Variants in SLC12A9 observed in about 807,000 individuals in gnomAD.
The protein encoded by SLC12A9 is CCC-interacting protein 1.
In SLC12A9, 55 loss-of-function variants were observed where a neutral mutation model predicts 66.0. The ratio of observed to expected loss-of-function variants is 0.83; its 90% CI spans 0.67 to 1.04. The LOEUF is 1.04. SLC12A9 is among the 50% of genes least tolerant of loss of function. The probability of loss-of-function intolerance (pLI) is 0.00; values close to 1 mark genes in which losing one functional copy is unlikely to be tolerated. For synonymous variants in SLC12A9, 577 were observed against 569.0 expected (o/e 1.01, Z -0.20); for missense variants, 1,061 against 1,241.9 (o/e 0.85, Z 2.19).
intron 1 of SLC12A9, among the ~76,000 whole-genome samples, chr7:100,844,337 A>C (rs1813856867): frequency 6.6e-6 from 1 of 152,206 alleles, no homozygotes; most frequent in South Asian, 2.1e-4. Context: ...TCCCATGACC[A>C]CAGTTTTTAA....
chr7:100,842,914 C>T (rs1196273523), intron 1 of SLC12A9, among the ~76,000 whole-genome samples: 1 of 152,264 alleles, frequency 6.6e-6, no homozygotes, highest in Admixed American at 6.5e-5. Flanking sequence ...AAGTCTGGCA[C>T]CCTGCGGGTC....
At chr7:100,841,296 C>G (rs1562982595) in intron 1 of SLC12A9, among the ~76,000 whole-genome samples, 2 of 151,382 alleles carry the variant, frequency 1.3e-5, no homozygotes, top group Non-Finnish European at 2.9e-5. Flanking sequence ...AACTAGGCCT[C>G]CTGAATGTAA....
intron 7 of SLC12A9, 194 bp downstream of exon 7, chr7:100,859,355 G>A: frequency 1.7e-6 from 1 of 604,480 alleles, no homozygotes; most frequent in Non-Finnish European, 2.9e-6. Flanking sequence ...GCTTGGGAGT[G>A]AGGGTGGGTA....
In SLC12A9 at chr7:100,844,371, G is replaced by A. The variant is rs559117457; in HGVS notation, n.229-15514G>A. 7.2e-5 allele frequency among the ~76,000 whole-genome samples: 11 copies of A among 152,256 alleles called. No individual in the cohort carries two copies. In the South Asian group the frequency reaches 2.3e-3, roughly 32 times the overall value. On this transcript the variant is annotated intron_variant and non_coding_transcript_variant, in intron 1 of 1. Coordinates refer to the SLC12A9 transcript ENST00000461016. ...AAAATAAGATTAAGAATGAAGACTG[G>A]TGGGGGCTCACAAACGATATGAGTA...
chr7:100,848,778 T>C (rs577316720), upstream of SLC12A9, among the ~76,000 whole-genome samples: 2 of 151,084 alleles, frequency 1.3e-5, no homozygotes, highest in Admixed American at 6.6e-5. Context: ...CCCAGCTACT[T>C]GGGAGGCTGA....
chr7:100,826,952 T>C (rs765951664), exon 1 of SLC12A9: 1 of 1,507,764 alleles, frequency 6.6e-7, no homozygotes, highest in Non-Finnish European at 8.9e-7. Flanking sequence ...AGTGACGGGG[T>C]GCGCCCCCCC....
chr7:100,828,653 G>T (rs1245687993), intron 1 of SLC12A9, among the ~76,000 whole-genome samples: 1 of 152,066 alleles, frequency 6.6e-6, no homozygotes, highest in Non-Finnish European at 1.5e-5. Flanking sequence ...CGTGTTTTGG[G>T]GGGGCTTCCC....
chr7:100,861,941 T>G lies in SLC12A9; in HGVS notation c.1711+30T>G. The G allele has an allele frequency of 6.6e-7, 1 of 1,519,956 alleles. No homozygotes were observed. The highest frequency in any genetic ancestry group is 8.8e-7 in the Non-Finnish European group (1 of 1,134,158). 94.2% of individuals were successfully genotyped at this position (1,519,956 alleles called of 1,614,324 possible). On this transcript the variant is annotated intron_variant, in intron 12 of 13. Transcript: ENST00000354161. This position sits in a 1 kb window ranked among gnomAD's most constrained non-coding sequence, Gnocchi z 5.3. ...GCTGCCCTCCCACTCACTCACTCAC[T>G]CCCATCCTTCTCTCCCCCTACCTTT...
At chr7:100,829,766 G>C (rs1813507129) in intron 1 of SLC12A9, among the ~76,000 whole-genome samples, 3 of 152,112 alleles carry the variant, frequency 2.0e-5, no homozygotes, top group African/African-American at 7.2e-5. Context: ...CAGTAGCTCA[G>C]GTCTGTAATC....
intron 1 of SLC12A9, among the ~76,000 whole-genome samples, chr7:100,838,005 C>T (rs568695254): frequency 4.6e-5 from 7 of 151,950 alleles, no homozygotes; most frequent in East Asian, 1.9e-4. Flanking sequence ...GGACTGCAGG[C>T]GCCCTCTACC....
intron 12 of SLC12A9, among the ~76,000 whole-genome samples, 168 bp from the exon 13 acceptor site, chr7:100,862,513 A>G (rs548658849): frequency 6.6e-6 from 1 of 152,230 alleles, no homozygotes; most frequent in African/African-American, 2.4e-5. Context: ...CCCAAAGGGC[A>G]GGGATTACAG....
chr7:100,836,198 G>A (rs1813655347), intron 1 of SLC12A9, among the ~76,000 whole-genome samples: 1 of 152,200 alleles, frequency 6.6e-6, no homozygotes, highest in Non-Finnish European at 1.5e-5. Flanking sequence ...GCTGGCTCTA[G>A]GAGGGAAAGT....
intron 1 of SLC12A9, among the ~76,000 whole-genome samples, chr7:100,841,895 CA>C (rs1813798994): frequency 6.6e-6 from 1 of 152,088 alleles, no homozygotes; most frequent in African/African-American, 2.4e-5. Context: ...ACATTTAAAA[CA>C]AAAAGACATT....
At chr7:100,831,073 C>T (rs896743763) in intron 1 of SLC12A9, among the ~76,000 whole-genome samples, 1 of 152,242 alleles carries the variant, frequency 6.6e-6, no homozygotes, top group Admixed American at 6.5e-5. Flanking sequence ...TAGGCTGTCA[C>T]CTTTGTTCCC....
intron 8 of SLC12A9, 43 bp from the exon 9 acceptor site, chr7:100,860,107 T>C: frequency 6.2e-7 from 1 of 1,614,194 alleles, no homozygotes; most frequent in South Asian, 1.1e-5. Flanking sequence ...CCGTCCCCGC[T>C]GAGCCCTGGC....
chr7:100,848,083 C>CAAAAAAAAAAA (rs36071720), upstream of SLC12A9, among the ~76,000 whole-genome samples: 2 of 43,914 alleles, frequency 4.6e-5, no homozygotes, highest in Non-Finnish European at 1.1e-4. Context: ...GACTCCATCT[C>CAAAAAAAAAAA]AAAAAAAAAA....
At chr7:100,840,805 T>C (rs1364908128) in intron 1 of SLC12A9, among the ~76,000 whole-genome samples, 1 of 152,066 alleles carries the variant, frequency 6.6e-6, no homozygotes, top group Non-Finnish European at 1.5e-5. Flanking sequence ...AAGGTAAATT[T>C]AAAACCTATA....
intron 12 of SLC12A9, 44 bp from the exon 13 acceptor site, chr7:100,862,637 T>A (rs1259461983): frequency 6.2e-7 from 1 of 1,608,002 alleles, no homozygotes; most frequent in Non-Finnish European, 8.5e-7. Flanking sequence ...AGACATTGAG[T>A]TTGGACAACA....
Position 100,861,663 on chromosome 7 carries a change from C to T in SLC12A9, c.1537-74C>T. 2 of 1,608,622 alleles carry T rather than the reference C, an allele frequency of 1.2e-6. No homozygotes were observed. Among genetic ancestry groups the T allele is most frequent in the Admixed American group, 1.7e-5 (1 of 59,916 alleles). ...TCTCTCTTTGGCTGGAGTTGGTGCTCCCGTCCAGGAGGCGCTGAACGGGGC... is the reference window on the plus strand; with the variant it reads ...TCTCTCTTTGGCTGGAGTTGGTGCTTCCGTCCAGGAGGCGCTGAACGGGGC... On this transcript the variant is annotated intron_variant, in intron 11 of 13. Coordinates refer to ENST00000354161, the MANE Select transcript of SLC12A9 (RefSeq NM_020246.4). This position sits in a 1 kb window ranked among gnomAD's most constrained non-coding sequence, Gnocchi z 5.3.
Sources: allele counts gnomAD v4.1 joint callset (sites outside exome capture counted in the v4.1 genomes callset), GRCh38; gene constraint gnomAD v4.1.1; non-coding constraint Gnocchi (gnomAD v3.1); transcripts MANE v1.5; gene names NCBI Gene and HGNC (gene_info 2026-07-23, HGNC 2026-07-21).